GALNTL6: variants seen among roughly 807,000 people sequenced by gnomAD.
GALNTL6 encodes the protein polypeptide N-acetylgalactosaminyltransferase-like 6.
A neutral mutation model predicts 73.7 loss-of-function variants in GALNTL6; 46 were observed. That is an observed-to-expected ratio of 0.62 (90% CI 0.49 to 0.80). The LOEUF is 0.80. GALNTL6 is among the 30% of genes least tolerant of loss of function. GALNTL6 has a pLI of 0.00. For missense variants in GALNTL6, 604 were observed against 755.0 expected, an observed-to-expected ratio of 0.80 and a Z score of 2.34; for synonymous variants, 259 against 263.7, an observed-to-expected ratio of 0.98 and a Z score of 0.17.
At chr4:171,923,399 T>TA (rs34368837) in intron 2 of GALNTL6, among the ~76,000 whole-genome samples, 2 of 28,020 alleles carry the variant, frequency 7.1e-5, no homozygotes, top group Non-Finnish European at 1.1e-4. Flanking sequence ...CCTGACTTTG[T>TA]TTTTTTTTTT....
intron 3 of GALNTL6, among the ~76,000 whole-genome samples, chr4:172,245,612 G>A (rs958765558): frequency 6.6e-6 from 1 of 152,152 alleles, no homozygotes; most frequent in Non-Finnish European, 1.5e-5. Context: ...TTCAAGCCCA[G>A]ATTATCATTA....
At chr4:172,087,306 G>A (rs529014371) in intron 2 of GALNTL6, among the ~76,000 whole-genome samples, 8 of 151,926 alleles carry the variant, frequency 5.3e-5, no homozygotes, top group South Asian at 4.2e-4. Context: ...TTAGCCGGGC[G>A]TGGGGGTGGG....
intron 2 of GALNTL6, among the ~76,000 whole-genome samples, chr4:171,821,420 A>G (rs990441622): frequency 6.6e-6 from 1 of 152,030 alleles, no homozygotes; most frequent in African/African-American, 2.4e-5. Context: ...TTTCTGTAGT[A>G]TTGGGTCTTG....
In GALNTL6 at chr4:172,597,921, C is replaced by CT. The variant is rs202013498; in HGVS notation, c.554-211427dup. The stretch of plus-strand genomic sequence containing the variant: ...TTTGAATGCTTCTGCCTTTTCATTT[C>CT]TTTTTTTTTTTTTAAGGTAAGATAT... On this transcript the variant is annotated intron_variant, in intron 5 of 12. Transcript: ENST00000506823. 7.3e-3 allele frequency among the ~76,000 whole-genome samples: 1,034 copies of CT among 141,412 alleles called. 38 individuals are homozygous for CT. The East Asian group carries it at 0.12, about 16-fold the overall frequency. 92.8% of individuals were successfully genotyped at this position (141,412 alleles called of 152,430 possible).
At chr4:172,398,516 A>G (rs1743927239) in intron 5 of GALNTL6, among the ~76,000 whole-genome samples, 3 of 152,300 alleles carry the variant, frequency 2.0e-5, no homozygotes, top group South Asian at 4.1e-4. Context: ...TCCTTTTCAA[A>G]ATAAGACTAG....
At chr4:172,980,746 G>A (rs1162796083) in intron 10 of GALNTL6, among the ~76,000 whole-genome samples, 4 of 152,128 alleles carry the variant, frequency 2.6e-5, no homozygotes, top group South Asian at 2.1e-4. Flanking sequence ...CCTAAAAGCC[G>A]TATCTTCAAA....
chr4:172,014,864 G>T (rs766845276), intron 2 of GALNTL6, among the ~76,000 whole-genome samples: 1 of 152,044 alleles, frequency 6.6e-6, no homozygotes, highest in Non-Finnish European at 1.5e-5. Flanking sequence ...AGTTTCGAAG[G>T]TTCCATTCGG....
At chr4:172,919,258 G>A (rs1429018496) in intron 8 of GALNTL6, among the ~76,000 whole-genome samples, 1 of 152,192 alleles carries the variant, frequency 6.6e-6, no homozygotes, top group African/African-American at 2.4e-5. Context: ...AAATGGATGA[G>A]TCTCTTGGTG....
At chr4:172,313,212 G>A (rs1236288780) in intron 4 of GALNTL6, among the ~76,000 whole-genome samples, 20 of 141,798 alleles carry the variant, frequency 1.4e-4, no homozygotes, top group African/African-American at 5.3e-4. Context: ...TGCAAGCTCC[G>A]CCTCCTGGGT....
At chr4:171,816,931 A>G (rs780061264) in intron 2 of GALNTL6, among the ~76,000 whole-genome samples, 2 of 152,058 alleles carry the variant, frequency 1.3e-5, no homozygotes, top group Non-Finnish European at 2.9e-5. Flanking sequence ...GTGATGTAAT[A>G]TTTGGCTAAT....
chr4:171,970,357 C>A (rs906740384), intron 2 of GALNTL6, among the ~76,000 whole-genome samples: 1 of 152,080 alleles, frequency 6.6e-6, no homozygotes, highest in Non-Finnish European at 1.5e-5. Flanking sequence ...AATTAGAAAT[C>A]AGAAGTAAAA....
intron 2 of GALNTL6, among the ~76,000 whole-genome samples, chr4:172,048,938 T>G (rs1029200693): frequency 2.0e-5 from 3 of 152,138 alleles, no homozygotes; most frequent in African/African-American, 7.2e-5. Context: ...AGCCAAGCTA[T>G]AAAGCCTAGA....
intron 5 of GALNTL6, among the ~76,000 whole-genome samples, chr4:172,432,014 A>G (rs1731475750): frequency 6.6e-6 from 1 of 152,154 alleles, no homozygotes. Flanking sequence ...CATAAAAGGT[A>G]GGGCTGCCAT....
At position 172,892,492 on chromosome 4, in the gene GALNTL6, TA is replaced by T. The variant is rs200458120; in HGVS notation, c.1041+9587del. Among the ~76,000 whole-genome samples, 139 of 152,246 alleles carry T rather than the reference TA, an allele frequency of 9.1e-4. 1 individual carries two copies. The East Asian group carries it at 0.021, about 23-fold the overall frequency. On this transcript the variant is annotated intron_variant, in intron 8 of 12. Transcript: ENST00000506823. ...TGAAGAAATTTTTTCTTTAGTGGTG[TA>T]ATTCAGGATGCGAACCAGTAGACGG...
Position 172,935,157 on chromosome 4 carries a change from G to A in GALNTL6, c.1149+3889G>A, listed in dbSNP as rs375758457. 4.7e-4 allele frequency among the ~76,000 whole-genome samples: 72 copies of A among 152,278 alleles called. No homozygotes were observed. In the Middle Eastern group the frequency reaches 0.02, roughly 43 times the overall value. The stretch of plus-strand genomic sequence containing the variant: ...GAGAGTTTCCTTGGAGGGTCACCAC[G>A]CCAGAGCGCTGCCCTGCAGACTGTG... On this transcript the variant is annotated intron_variant, in intron 9 of 12. Transcript: ENST00000506823.
rs77945053 is a variant in GALNTL6, at chr4:171,928,801, C to T, written c.138+114083C>T. ...ACAGGCTTGTAGGCTAGGAGCAATA[C>T]GCTATACCACAGAGCCTAGGTGTGT... On this transcript the variant is annotated intron_variant, in intron 2 of 12. Coordinates refer to ENST00000506823, the MANE Select transcript of GALNTL6 (RefSeq NM_001034845.3). 3.0e-4 allele frequency among the ~76,000 whole-genome samples: 45 copies of T among 152,162 alleles called. No homozygotes were observed. In the South Asian group the frequency reaches 6.6e-3, roughly 22 times the overall value.
intron 2 of GALNTL6, among the ~76,000 whole-genome samples, chr4:171,906,149 A>T (rs1413403775): frequency 6.6e-6 from 1 of 151,206 alleles, no homozygotes; most frequent in African/African-American, 2.4e-5. Context: ...AAATCAGAGC[A>T]GAACTGAAGG....
chr4:172,752,078 C>T (rs556472418), intron 5 of GALNTL6, among the ~76,000 whole-genome samples: 3 of 143,946 alleles, frequency 2.1e-5, no homozygotes, highest in Middle Eastern at 3.9e-3. Flanking sequence ...CAAGTGGGAA[C>T]GTGCCAAAAC....
chr4:172,168,844 T>C (rs1254815862), intron 2 of GALNTL6, among the ~76,000 whole-genome samples: 1 of 152,214 alleles, frequency 6.6e-6, no homozygotes, highest in Admixed American at 6.5e-5. Flanking sequence ...TTCGATGTCA[T>C]GTAATTTTTG....
Sources: allele counts gnomAD v4.1 joint callset (sites outside exome capture counted in the v4.1 genomes callset), GRCh38; gene constraint gnomAD v4.1.1; transcripts MANE v1.5; gene names NCBI Gene and HGNC (gene_info 2026-07-23, HGNC 2026-07-21).